The following SLC6A12 variants were observed in gnomAD, a reference collection of about 807,000 sequenced individuals.
SLC6A12 encodes solute carrier family 6 member 12.
SLC6A12 carries 50 observed loss-of-function variants against 73.3 expected under a neutral mutation model. The observed-to-expected ratio is 0.68, with a 90% CI of 0.54 to 0.86. SLC6A12 has a LOEUF of 0.86. Ranked by LOEUF, SLC6A12 falls within the 40% of genes least tolerant of loss-of-function variation. The pLI is 0.00. For missense variants in SLC6A12, 648 were observed against 772.8 expected, an observed-to-expected ratio of 0.84 and a Z score of 1.92; for synonymous variants, 304 against 309.2, an observed-to-expected ratio of 0.98 and a Z score of 0.18.
At chr12:192,172 T>A (rs552198050) in intron 15 of SLC6A12, among the ~76,000 whole-genome samples, 1 of 152,342 alleles carries the variant, frequency 6.6e-6, no homozygotes, top group South Asian at 2.1e-4. Flanking sequence ...CTGGGCACCT[T>A]CCTGTTCATG....
At chr12:195,438 G>A (rs1048957633) in intron 12 of SLC6A12, 111 bp from the exon 13 acceptor site, 2 of 718,404 alleles carry the variant, frequency 2.8e-6, no homozygotes, top group Admixed American at 2.0e-5. Flanking sequence ...CCGGCCTGTG[G>A]GATGCCATTC....
At position 204,651 on chromosome 12, in the gene SLC6A12, G is replaced by T; in HGVS notation, c.262C>A (p.Pro88Thr). Residue 88 changes from proline to threonine, a missense_variant, in exon 4 of 16, where the codon CCG (proline) becomes ACG (threonine). Physicochemically the swap from Pro to Thr is conservative, Grantham distance 38 (BLOSUM62 -1). Transcript: ENST00000684302. ...AACGCCACCTCCAGGAAGAACACCG[G>T]GATGCCGCAGACAAAGAAGAAGATG... ...YFIFFFVCGI[P>T]VFFLEVALGQ... 6.2e-7 allele frequency: 1 copy of T among 1,614,178 alleles called. No individual in the cohort carries two copies. Among genetic ancestry groups the T allele is most frequent in the Non-Finnish European group, 8.5e-7 (1 of 1,180,026 alleles).
chr12:188,005 C>T (rs569086193), downstream of SLC6A12, among the ~76,000 whole-genome samples: 11 of 152,326 alleles, frequency 7.2e-5, no homozygotes, highest in East Asian at 1.5e-3. Context: ...CTGAGCTAGA[C>T]ATAAAGGTTC....
chr12:199,025 A>T (rs1383836366), intron 7 of SLC6A12, 94 bp from the exon 8 acceptor site: 1 of 1,274,092 alleles, frequency 7.8e-7, no homozygotes, highest in African/African-American at 1.5e-5. Flanking sequence ...CACGGAGCTC[A>T]GTCCCAACCT....
In SLC6A12 at chr12:201,701, C is replaced by T. The variant is rs554002818; in HGVS notation, c.578+61G>A. 142 of 1,345,360 alleles carry T rather than the reference C, an allele frequency of 1.1e-4. 1 individual carries two copies. Among genetic ancestry groups the T allele is most frequent in the Non-Finnish European group, 1.4e-4 (127 of 935,678 alleles). 83.3% of individuals were successfully genotyped at this position (1,345,360 alleles called of 1,614,324 possible). A position where few individuals can be genotyped will look rare whatever the true frequency, so the allele number is the denominator to read the frequency against. The stretch of plus-strand genomic sequence containing the variant: ...TAAACTTGCACCCCAGACATTCAGA[C>T]TTGCACAGCTCAGACATCCAAATTT... On this transcript the variant is annotated intron_variant, in intron 6 of 15. Transcript: ENST00000684302.
At chr12:199,091 A>T (rs1175767362) in intron 7 of SLC6A12, 160 bp from the exon 8 acceptor site, 3 of 389,272 alleles carry the variant, frequency 7.7e-6, no homozygotes, top group East Asian at 7.3e-5. Flanking sequence ...CCCTTTACAC[A>T]TTCCAGTGGG....
intron 12 of SLC6A12, 133 bp downstream of exon 12, chr12:195,991 T>C (rs1939840109): frequency 1.3e-6 from 1 of 774,320 alleles, no homozygotes; most frequent in Non-Finnish European, 2.1e-6. Context: ...ACAACCTCAC[T>C]GTGGAGAGGC....
downstream of SLC6A12, among the ~76,000 whole-genome samples, chr12:185,300 C>T (rs909982407): frequency 1.3e-5 from 2 of 152,216 alleles, no homozygotes; most frequent in African/African-American, 4.8e-5. Context: ...CATGACAAAC[C>T]CAAATTCCAA....
chr12:191,589 ATTG>A (rs1013526111), intron 15 of SLC6A12, among the ~76,000 whole-genome samples: 6 of 91,136 alleles, frequency 6.6e-5, no homozygotes, highest in East Asian at 2.4e-4. Flanking sequence ...TATTGTCATT[ATTG>A]TTATTACTAT....
intron 14 of SLC6A12, 108 bp downstream of exon 14, chr12:193,169 G>T (rs1396174351): frequency 1.3e-6 from 1 of 792,166 alleles, no homozygotes; most frequent in African/African-American, 1.7e-5. Context: ...GGCCCCACGG[G>T]AGACTGGACA....
chr12:206,017 G>A (rs1488116570), intron 3 of SLC6A12, among the ~76,000 whole-genome samples: 1 of 152,204 alleles, frequency 6.6e-6, no homozygotes, highest in Non-Finnish European at 1.5e-5. Context: ...CAAATTACCA[G>A]TAGAGGAATT....
rs138208938 is a variant in SLC6A12, at chr12:200,835, T to C, written c.579-52A>G. The C allele has an allele frequency of 3.3e-4, 521 of 1,575,196 alleles. 1 individual carries two copies. The African/African-American group carries it at 5.0e-3, about 15-fold the overall frequency. ...GAGGGGAAAGGCTAAAGGGGACAGT[T>C]TGCGTCTGTCAGCAAGTCTCCTGAT... is the stretch of plus-strand genomic sequence containing the variant. On this transcript the variant is annotated intron_variant, in intron 6 of 15. Coordinates refer to ENST00000684302, the MANE Select transcript of SLC6A12 (RefSeq NM_001122848.3).
rs752727946 is a variant in SLC6A12 at position 200,628 on chromosome 12, T to C, written c.711+23A>G. On this transcript the variant is annotated intron_variant, in intron 7 of 15. Transcript: ENST00000684302. ...TAGACTCTGGGGGCCAAAGGGAGCT[T>C]CCCAGGAGGCAGGACATCTCACCTT... 3.7e-6 allele frequency: 6 copies of C among 1,612,028 alleles called. No homozygotes were observed. The Admixed American group carries it at 6.7e-5, about 18-fold the overall frequency.
At chr12:207,812 C>T (rs1278708617) in intron 3 of SLC6A12, among the ~76,000 whole-genome samples, 1 of 152,154 alleles carries the variant, frequency 6.6e-6, no homozygotes, top group Non-Finnish European at 1.5e-5. Flanking sequence ...AGAAGGGGAC[C>T]CCAACCTCAT....
At chr12:199,506 C>A (rs1475681546) in intron 7 of SLC6A12, among the ~76,000 whole-genome samples, 1 of 151,862 alleles carries the variant, frequency 6.6e-6, no homozygotes, top group South Asian at 2.1e-4. Flanking sequence ...GCGGCCGGAG[C>A]TCCGGGCTGT....
At chr12:202,909 GACAAGAGAGAT>G (rs1324710939) in intron 4 of SLC6A12, 29 bp from the exon 5 acceptor site, 1 of 1,606,588 alleles carries the variant, frequency 6.2e-7, no homozygotes, top group Non-Finnish European at 8.5e-7. Context: ...GATGGGGAGG[GACAAGAGAGAT>G]CAATGTTAGC....
chr12:202,033 T>C (rs1488004179), intron 5 of SLC6A12, among the ~76,000 whole-genome samples, 184 bp from the exon 6 acceptor site: 1 of 152,162 alleles, frequency 6.6e-6, no homozygotes, highest in East Asian at 1.9e-4. Context: ...CCTGCTCTTG[T>C]TCCCTGTGAA....
At chr12:202,957 T>G in intron 4 of SLC6A12, 77 bp from the exon 5 acceptor site, 1 of 1,399,654 alleles carries the variant, frequency 7.1e-7, no homozygotes, top group Non-Finnish European at 1.0e-6. Flanking sequence ...AGCTGCCAGT[T>G]GAGGTTACAA....
downstream of SLC6A12, among the ~76,000 whole-genome samples, chr12:188,828 A>C (rs928525320): frequency 2.6e-5 from 4 of 152,194 alleles, no homozygotes; most frequent in African/African-American, 9.6e-5. Flanking sequence ...GTGAGAGGTG[A>C]GGTTGGCCCG....
Sources: allele counts gnomAD v4.1 joint callset (sites outside exome capture counted in the v4.1 genomes callset), GRCh38; gene constraint gnomAD v4.1.1; transcripts MANE v1.5; gene names NCBI Gene and HGNC (gene_info 2026-07-23, HGNC 2026-07-21).